Variants in EMCN observed in about 807,000 individuals in gnomAD.
The protein encoded by EMCN is endomucin, also known as MUC-14.
EMCN carries 37 observed loss-of-function variants against 38.4 expected under a neutral mutation model. That is an observed-to-expected ratio of 0.96 (90% CI 0.74 to 1.27). The LOEUF (loss-of-function observed/expected upper bound fraction) is 1.27. Ranked by LOEUF, EMCN falls within the 50% of genes most tolerant of loss-of-function variation. The pLI is 0.00. For missense variants in EMCN, 318 were observed against 302.8 expected, an observed-to-expected ratio of 1.05 and a Z score of -0.37; for synonymous variants, 95 against 100.8, an observed-to-expected ratio of 0.94 and a Z score of 0.35.
chr4:100,430,289 G>A (rs896508960), intron 5 of EMCN, among the ~76,000 whole-genome samples: 2 of 152,108 alleles, frequency 1.3e-5, no homozygotes, highest in East Asian at 1.9e-4. Flanking sequence ...TTGAATGCAC[G>A]CTCTAGAGTC....
chr4:100,417,611 C>A (rs1280564988), intron 8 of EMCN, among the ~76,000 whole-genome samples: 1 of 152,138 alleles, frequency 6.6e-6, no homozygotes, highest in Admixed American at 6.6e-5. Context: ...GATACTATAT[C>A]TAATTGTATC....
At chr4:100,417,576 T>G (rs1352757871) in intron 8 of EMCN, among the ~76,000 whole-genome samples, 1 of 152,128 alleles carries the variant, frequency 6.6e-6, no homozygotes, top group Non-Finnish European at 1.5e-5. Flanking sequence ...CAGAAATCAC[T>G]GTGTTTGTGG....
Position 100,517,190 on chromosome 4 carries a change from A to G in EMCN, c.64+661T>C, listed in dbSNP as rs1049766456. Among the ~76,000 whole-genome samples, 11 of 152,250 alleles carry G rather than the reference A, an allele frequency of 7.2e-5. No homozygotes were observed. In the South Asian group the frequency reaches 2.3e-3, roughly 32 times the overall value. On this transcript the variant is annotated intron_variant, in intron 1 of 11. Transcript: ENST00000296420. Reference sequence around the variant, plus strand: ...TTATGAAGATACAAACCTATTTTTTATCTGAGTTTCTTAACCAGAAGTCAA... The same window carrying G: ...TTATGAAGATACAAACCTATTTTTTGTCTGAGTTTCTTAACCAGAAGTCAA...
intron 4 of EMCN, among the ~76,000 whole-genome samples, chr4:100,452,878 T>C (rs1004003180): frequency 1.3e-5 from 2 of 152,050 alleles, no homozygotes; most frequent in Non-Finnish European, 1.5e-5. Context: ...ATGCCTCATA[T>C]CTACAACTAT....
chr4:100,404,106 A>G (rs1374817879), intron 11 of EMCN, among the ~76,000 whole-genome samples: 1 of 151,858 alleles, frequency 6.6e-6, no homozygotes, highest in African/African-American at 2.4e-5. Context: ...TTTTGTTGCA[A>G]TTGCTTTTGG....
chr4:100,442,751 C>T (rs1727559007), intron 5 of EMCN, among the ~76,000 whole-genome samples: 1 of 151,990 alleles, frequency 6.6e-6, no homozygotes, highest in African/African-American at 2.4e-5. Flanking sequence ...ATTGAATTTC[C>T]TAATTATATA....
At chr4:100,480,686 C>T (rs1728783768) in intron 1 of EMCN, among the ~76,000 whole-genome samples, 1 of 151,628 alleles carries the variant, frequency 6.6e-6, no homozygotes, top group Admixed American at 6.6e-5. Flanking sequence ...ACCATAAATC[C>T]ACATTTTTTA....
chr4:100,497,243 T>C (rs1262588695), intron 1 of EMCN, among the ~76,000 whole-genome samples: 1 of 144,588 alleles, frequency 6.9e-6, no homozygotes, highest in African/African-American at 2.6e-5. Flanking sequence ...CTCTTGTTAC[T>C]ATTAAAAAAA....
chr4:100,477,996 G>A (rs183636711), intron 2 of EMCN, among the ~76,000 whole-genome samples: 10 of 152,204 alleles, frequency 6.6e-5, no homozygotes, highest in Admixed American at 2.6e-4. Flanking sequence ...TTGCTCTTTG[G>A]AAGATGGGCA....
At chr4:100,472,160 T>C (rs918594199) in intron 3 of EMCN, among the ~76,000 whole-genome samples, 1 of 151,896 alleles carries the variant, frequency 6.6e-6, no homozygotes, top group Non-Finnish European at 1.5e-5. Context: ...AGTAAAACTA[T>C]CTATATTTGC....
intron 4 of EMCN, among the ~76,000 whole-genome samples, chr4:100,462,887 G>A (rs1471017357): frequency 1.3e-5 from 2 of 152,074 alleles, no homozygotes. Flanking sequence ...GACAATTTAT[G>A]TTTCTGAAGT....
chr4:100,444,866 T>G (rs1306581550), intron 5 of EMCN, among the ~76,000 whole-genome samples: 1 of 152,092 alleles, frequency 6.6e-6, no homozygotes, highest in Non-Finnish European at 1.5e-5. Context: ...TAGCTCAGTA[T>G]GTAGACTCTG....
chr4:100,501,319 C>T (rs756477927), intron 1 of EMCN, among the ~76,000 whole-genome samples: 1 of 152,072 alleles, frequency 6.6e-6, no homozygotes. Flanking sequence ...TTACTCACTG[C>T]TCCGTTATAC....
intron 1 of EMCN, among the ~76,000 whole-genome samples, chr4:100,507,167 C>T (rs771751445): frequency 2.0e-5 from 3 of 152,022 alleles, no homozygotes; most frequent in African/African-American, 4.8e-5. Flanking sequence ...TTAATGAAAA[C>T]ATGAGGGACT....
intron 5 of EMCN, among the ~76,000 whole-genome samples, chr4:100,429,626 C>T (rs1159316060): frequency 6.6e-6 from 1 of 151,998 alleles, no homozygotes; most frequent in Non-Finnish European, 1.5e-5. Flanking sequence ...ATCTTCTAAC[C>T]CAGAAATAAT....
Position 100,424,222 on chromosome 4 carries a change from AGTACAATTT to A in EMCN, c.416-827_416-819del, listed in dbSNP as rs1726981620. 2.0e-5 allele frequency among the ~76,000 whole-genome samples: 3 copies of A among 152,156 alleles called. No homozygotes were observed. The South Asian group carries it at 6.2e-4, about 32-fold the overall frequency. On this transcript the variant is annotated intron_variant, in intron 5 of 11. Transcript: ENST00000296420. ...ATTTATTCTTGTGAATTTGGAATAAAGTACAATTTGTACTTAGAAAACTTTTTGAAAATG... is the reference window on the plus strand; with the variant it reads ...ATTTATTCTTGTGAATTTGGAATAAAGTACTTAGAAAACTTTTTGAAAATG...
In EMCN at chr4:100,447,547, G is replaced by A. The variant is rs755122442; in HGVS notation, c.401C>T (p.Thr134Ile). ...PKTETQSSIK[T>I]TEIPGSVLQP... is the part of the protein sequence containing the mutation. ...AAAGAGCTTACCTGGTATTTCTGTT[G>A]TTTTAATTGAACTCTGAGTTTCAGC... Residue 134 changes from threonine to isoleucine, a missense_variant, in exon 5 of 12, where the codon ACA becomes ATA. Physicochemically the swap from Thr to Ile is moderately conservative, Grantham distance 89 (BLOSUM62 -1). Transcript: ENST00000296420. 2 of 1,602,264 alleles carry A rather than the reference G, an allele frequency of 1.2e-6. No homozygotes were observed. Among genetic ancestry groups the A allele is most frequent in the Non-Finnish European group, 1.7e-6 (2 of 1,170,700 alleles).
At chr4:100,466,064 C>T (rs1728307276) in intron 3 of EMCN, among the ~76,000 whole-genome samples, 1 of 150,798 alleles carries the variant, frequency 6.6e-6, no homozygotes, top group Non-Finnish European at 1.5e-5. Flanking sequence ...AAATGGAATA[C>T]ACTTTTAATT....
intron 4 of EMCN, among the ~76,000 whole-genome samples, chr4:100,461,746 C>T (rs357653): frequency 0.82 from 124,412 of 152,134 alleles, 52,276 homozygotes; most frequent in South Asian, 0.96. Flanking sequence ...CTCACTAACT[C>T]TTCTACTCTA....
Sources: allele counts gnomAD v4.1 joint callset (sites outside exome capture counted in the v4.1 genomes callset), GRCh38; gene constraint gnomAD v4.1.1; transcripts MANE v1.5; gene names NCBI Gene and HGNC (gene_info 2026-07-23, HGNC 2026-07-21).